ME1: variants seen among roughly 807,000 people sequenced by gnomAD.
ME1 encodes NADP-dependent malic enzyme.
In ME1, 74 loss-of-function variants were observed where a neutral mutation model predicts 66.4. The ratio of observed to expected loss-of-function variants is 1.11; its 90% CI spans 0.92 to 1.35. The LOEUF is 1.35. ME1 is among the 40% of genes most tolerant of loss of function. The pLI, the probability that ME1 is intolerant of heterozygous loss-of-function variation, is 0.00. For synonymous variants in ME1, 251 were observed against 235.6 expected, an observed-to-expected ratio of 1.07 and a Z score of -0.60; for missense variants, 750 against 694.1, an observed-to-expected ratio of 1.08 and a Z score of -0.90.
At chr6:83,304,838 G>A (rs556128199) in intron 6 of ME1, among the ~76,000 whole-genome samples, 3 of 152,200 alleles carry the variant, frequency 2.0e-5, no homozygotes, top group East Asian at 1.9e-4. Flanking sequence ...TACAAATTTT[G>A]TTGTAGCTTT....
chr6:83,381,398 CTT>C (rs386359179), intron 3 of ME1, among the ~76,000 whole-genome samples: 10 of 140,394 alleles, frequency 7.1e-5, no homozygotes, highest in African/African-American at 5.2e-5. Context: ...TTAAGAAATT[CTT>C]TTTTTTTTTT....
chr6:83,388,463 C>T (rs1769557357), intron 3 of ME1, among the ~76,000 whole-genome samples: 1 of 152,134 alleles, frequency 6.6e-6, no homozygotes, highest in African/African-American at 2.4e-5. Flanking sequence ...TCTATTTGAT[C>T]AAGAAACCTG....
rs146331335 is a variant in ME1, at chr6:83,260,213, A to G, written c.705-6475T>C. Among the ~76,000 whole-genome samples the G allele has an allele frequency of 2.3e-3, 356 of 151,926 alleles. 5 individuals carry two copies. Among genetic ancestry groups the G allele is most frequent in the Non-Finnish European group, 8.7e-4 (59 of 67,956 alleles). On this transcript the variant is annotated intron_variant, in intron 6 of 13. Coordinates refer to ENST00000369705, the MANE Select transcript of ME1 (RefSeq NM_002395.6). ...GAATCACAAGCAAAATAGAATCACT[A>G]TGTTTAGGTGTTGTCTGCTTTTCAA...
intron 2 of ME1, among the ~76,000 whole-genome samples, chr6:83,403,792 G>C (rs1769879974): frequency 2.0e-5 from 3 of 152,044 alleles, no homozygotes; most frequent in Admixed American, 2.0e-4. Context: ...GAGGATGATG[G>C]TTTCCAGCTT....
intron 1 of ME1, among the ~76,000 whole-genome samples, chr6:83,414,178 C>CA (rs1770115446): frequency 2.0e-5 from 3 of 149,654 alleles, no homozygotes; most frequent in South Asian, 2.1e-4. Flanking sequence ...ATTTCCCCCC[C>CA]AAAAAAAATC....
At chr6:83,300,029 C>T (rs1767685159) in intron 6 of ME1, among the ~76,000 whole-genome samples, 1 of 152,144 alleles carries the variant, frequency 6.6e-6, no homozygotes, top group Non-Finnish European at 1.5e-5. Context: ...ATTTTCGCAT[C>T]AATGTTCATC....
chr6:83,320,365 CGTT>C (rs2128540206), intron 5 of ME1, among the ~76,000 whole-genome samples: 1 of 152,256 alleles, frequency 6.6e-6, no homozygotes, highest in African/African-American at 2.4e-5. Flanking sequence ...CACCCTCTGT[CGTT>C]GTGAAATTGT....
rs57450786 is a variant in ME1 at position 83,261,420 on chromosome 6, ATTTTTT to A, written c.705-7688_705-7683del. On this transcript the variant is annotated intron_variant, in intron 6 of 13. Transcript: ENST00000369705. ...AGGTTCTTTGTTTACTCTGTTGGTA[ATTTTTT>A]TTTTTTTTTTTTTGCTGTGGAAAAG... Among the ~76,000 whole-genome samples the A allele has an allele frequency of 9.8e-4, 109 of 110,878 alleles. 4 individuals carry two copies. In the South Asian group the frequency reaches 0.02, roughly 20 times the overall value. 72.7% of individuals were successfully genotyped at this position (110,878 alleles called of 152,430 possible).
At chr6:83,398,314 C>G in intron 3 of ME1, 53 bp downstream of exon 3, 1 of 1,295,186 alleles carries the variant, frequency 7.7e-7, no homozygotes, top group Non-Finnish European at 1.1e-6. Context: ...CGTTAAAAAA[C>G]TTACAAAAAT....
intron 6 of ME1, among the ~76,000 whole-genome samples, chr6:83,277,797 G>A (rs1441916291): frequency 6.6e-6 from 1 of 151,960 alleles, no homozygotes; most frequent in Non-Finnish European, 1.5e-5. Context: ...AGCTACACGG[G>A]AGGCTGAGGC....
intron 6 of ME1, among the ~76,000 whole-genome samples, chr6:83,284,629 C>A (rs2128533727): frequency 6.6e-6 from 1 of 152,164 alleles, no homozygotes; most frequent in Non-Finnish European, 1.5e-5. Context: ...ATGCAGAAAA[C>A]CTTTCAATAA....
chr6:83,258,156 T>G (rs753751829), intron 6 of ME1, among the ~76,000 whole-genome samples: 2 of 152,202 alleles, frequency 1.3e-5, no homozygotes, highest in Admixed American at 1.3e-4. Flanking sequence ...AATCTGGGAA[T>G]AGGCATAGGT....
At chr6:83,358,561 T>A (rs1451778857) in intron 3 of ME1, among the ~76,000 whole-genome samples, 1 of 152,156 alleles carries the variant, frequency 6.6e-6, no homozygotes, top group Non-Finnish European at 1.5e-5. Context: ...CAATGAAAGG[T>A]GCATGCACAG....
At chr6:83,334,274 G>A (rs1439408100) in intron 5 of ME1, among the ~76,000 whole-genome samples, 2 of 137,074 alleles carry the variant, frequency 1.5e-5, no homozygotes, top group Non-Finnish European at 3.1e-5. Context: ...AAGAAACGGC[G>A]CACCACGAGA....
At chr6:83,279,754 A>T (rs1340705015) in intron 6 of ME1, among the ~76,000 whole-genome samples, 2 of 152,240 alleles carry the variant, frequency 1.3e-5, no homozygotes, top group Non-Finnish European at 2.9e-5. Context: ...AATTAATGAC[A>T]GAAACCAAGG....
intron 13 of ME1, among the ~76,000 whole-genome samples, chr6:83,213,340 C>T (rs1010083079): frequency 1.3e-5 from 2 of 150,526 alleles, no homozygotes; most frequent in Non-Finnish European, 3.0e-5. Flanking sequence ...AAGAGAATCA[C>T]TTGAACCCGG....
At chr6:83,298,145 T>C (rs1039638872) in intron 6 of ME1, among the ~76,000 whole-genome samples, 3 of 152,146 alleles carry the variant, frequency 2.0e-5, no homozygotes, top group Non-Finnish European at 4.4e-5. Flanking sequence ...CACACTGTCT[T>C]CCACAATGAT....
chr6:83,248,158 T>C (rs921653420), intron 7 of ME1, among the ~76,000 whole-genome samples: 7 of 152,186 alleles, frequency 4.6e-5, no homozygotes, highest in African/African-American at 1.7e-4. Flanking sequence ...TGACCCTAAT[T>C]GCTTGTTTTG....
intron 3 of ME1, among the ~76,000 whole-genome samples, chr6:83,359,168 G>A (rs62419295): frequency 0.17 from 25,313 of 151,818 alleles, 2,746 homozygotes; most frequent in Middle Eastern, 0.37. Context: ...CAGGGTGGTC[G>A]GGCAGAGGCA....
Sources: allele counts gnomAD v4.1 joint callset (sites outside exome capture counted in the v4.1 genomes callset), GRCh38; gene constraint gnomAD v4.1.1; transcripts MANE v1.5; gene names NCBI Gene and HGNC (gene_info 2026-07-23, HGNC 2026-07-21).